TXNRD1: variants seen among roughly 807,000 people sequenced by gnomAD.
TXNRD1 encodes thioredoxin reductase 1, cytoplasmic.
A neutral mutation model predicts 80.3 loss-of-function variants in TXNRD1; 57 were observed. That is an observed-to-expected ratio of 0.71 (90% CI 0.57 to 0.89). The LOEUF is 0.89. Among genes scored for constraint, TXNRD1 ranks in the 40% least tolerant of loss-of-function variants. TXNRD1 has a pLI of 0.00. For missense variants in TXNRD1, 730 were observed against 803.0 expected (o/e 0.91, Z 1.10); for synonymous variants, 291 against 285.2 (o/e 1.02, Z -0.20).
intron 14 of TXNRD1, among the ~76,000 whole-genome samples, chr12:104,333,955 G>C (rs779477598): frequency 1.8e-4 from 27 of 152,112 alleles, no homozygotes; most frequent in Non-Finnish European, 2.5e-4. Context: ...GTAATTAAAT[G>C]GCTTATTTCT....
chr12:104,321,401 T>G, intron 10 of TXNRD1, 85 bp downstream of exon 10: 1 of 1,074,534 alleles, frequency 9.3e-7, no homozygotes, highest in East Asian at 2.5e-5. Flanking sequence ...AGAAGCATCC[T>G]TTCAGCATTA....
chr12:104,281,140 C>T (rs1374748306), intron 3 of TXNRD1, among the ~76,000 whole-genome samples: 1 of 152,134 alleles, frequency 6.6e-6, no homozygotes, highest in African/African-American at 2.4e-5. Context: ...ATCTTTCTTC[C>T]TCCTCTCTGG....
chr12:104,335,674 C>A (rs948450268), intron 15 of TXNRD1, among the ~76,000 whole-genome samples: 1 of 152,098 alleles, frequency 6.6e-6, no homozygotes, highest in Non-Finnish European at 1.5e-5. Context: ...AATATTGACT[C>A]TTAAGAAAAC....
At chr12:104,318,888 G>C (rs367624649) in intron 7 of TXNRD1, 25 bp from the exon 8 acceptor site, 1 of 1,586,458 alleles carries the variant, frequency 6.3e-7, no homozygotes, top group African/African-American at 1.4e-5. Flanking sequence ...AGCCAAACAA[G>C]ATTTTGTTTT....
intron 3 of TXNRD1, among the ~76,000 whole-genome samples, chr12:104,267,859 T>C (rs527645874): frequency 6.7e-6 from 1 of 148,662 alleles, no homozygotes; most frequent in East Asian, 2.0e-4. Flanking sequence ...CTCTCTCTTT[T>C]TTTTTTTGAG....
In TXNRD1 at chr12:104,215,896, A is replaced by G. The variant is rs1299274648; in HGVS notation, c.91+3A>G. The G allele has an allele frequency of 6.4e-7, 1 of 1,552,716 alleles. No individual in the cohort carries two copies. The highest frequency in any genetic ancestry group is 8.7e-7 in the Non-Finnish European group (1 of 1,147,938). Reference sequence around the variant, plus strand: ...CGGCGATGGCCGCCGTAGGTCAGGTACGACCGAGGGCGAAGGCCTGGTCCC... The same window carrying G: ...CGGCGATGGCCGCCGTAGGTCAGGTGCGACCGAGGGCGAAGGCCTGGTCCC... On this transcript the variant is annotated splice_donor_region_variant and intron_variant, in intron 1 of 16. Coordinates refer to ENST00000525566, the MANE Select transcript of TXNRD1 (RefSeq NM_001093771.3).
Position 104,304,876 on chromosome 12 carries a change from G to T in TXNRD1, c.415-6414G>T, listed in dbSNP as rs377091329. ...TTATATCTTTGACTTTACAGGAGTG[G>T]AAAAACATTGTGGCAGCTTTTGAAA... On this transcript the variant is annotated intron_variant, in intron 4 of 16. Coordinates refer to ENST00000525566, the MANE Select transcript of TXNRD1 (RefSeq NM_001093771.3). 1.9e-4 allele frequency: 301 copies of T among 1,612,146 alleles called. 1 individual carries two copies. The highest frequency in any genetic ancestry group is 2.3e-4 in the Non-Finnish European group (277 of 1,179,498).
chr12:104,325,641 A>G (rs1011005840), intron 11 of TXNRD1, among the ~76,000 whole-genome samples: 5 of 152,114 alleles, frequency 3.3e-5, no homozygotes, highest in African/African-American at 1.2e-4. Context: ...TGGGAGGCCA[A>G]GGCGGGCAGA....
At chr12:104,292,059 A>T (rs1222446528) in intron 4 of TXNRD1, among the ~76,000 whole-genome samples, 2 of 152,218 alleles carry the variant, frequency 1.3e-5, no homozygotes, top group Non-Finnish European at 2.9e-5. Context: ...GGAGCTCTTC[A>T]AAATGTCCAC....
chr12:104,233,693 C>T (rs10861173), intron 1 of TXNRD1, among the ~76,000 whole-genome samples: 49,562 of 151,718 alleles, frequency 0.33, 8,834 homozygotes, highest in East Asian at 0.59. Context: ...GGCTAATTTT[C>T]GTATTTTTAG....
At chr12:104,271,447 G>T (rs1297182313) in intron 3 of TXNRD1, among the ~76,000 whole-genome samples, 3 of 152,090 alleles carry the variant, frequency 2.0e-5, no homozygotes, top group African/African-American at 7.2e-5. Flanking sequence ...AAAGTGCTGG[G>T]ATTACAGGCA....
At chr12:104,251,416 T>C in intron 1 of TXNRD1, 111 bp from the exon 2 acceptor site, 1 of 1,095,066 alleles carries the variant, frequency 9.1e-7, no homozygotes, top group Non-Finnish European at 1.3e-6. Context: ...ATTCCTTATT[T>C]TGGCCTGTGG....
chr12:104,327,964 G>C (rs1287568792), intron 13 of TXNRD1, among the ~76,000 whole-genome samples: 2 of 151,318 alleles, frequency 1.3e-5, no homozygotes, highest in African/African-American at 4.9e-5. Flanking sequence ...TTCAAGACCA[G>C]CCTGGCCAAC....
At chr12:104,222,287 T>A (rs1436960113) in intron 1 of TXNRD1, among the ~76,000 whole-genome samples, 1 of 152,152 alleles carries the variant, frequency 6.6e-6, no homozygotes, top group African/African-American at 2.4e-5. Flanking sequence ...TCTTAGATAG[T>A]AACACAGTGC....
intron 3 of TXNRD1, among the ~76,000 whole-genome samples, chr12:104,270,921 G>A (rs1380959465): frequency 6.6e-6 from 1 of 151,900 alleles, no homozygotes; most frequent in African/African-American, 2.4e-5. Flanking sequence ...GGCCGAGGGG[G>A]GTGGATCACC....
chr12:104,282,342 A>C (rs1215718549), intron 3 of TXNRD1, among the ~76,000 whole-genome samples: 2 of 152,202 alleles, frequency 1.3e-5, no homozygotes, highest in Admixed American at 1.3e-4. Context: ...AGAGAATTAC[A>C]TTCTTGGAGC....
At chr12:104,255,748 G>A (rs947177589) in intron 2 of TXNRD1, among the ~76,000 whole-genome samples, 1 of 152,092 alleles carries the variant, frequency 6.6e-6, no homozygotes, top group African/African-American at 2.4e-5. Flanking sequence ...AGCCAAGATC[G>A]CACCATTGCA....
chr12:104,267,736 CT>C (rs2033561086), intron 3 of TXNRD1, among the ~76,000 whole-genome samples: 1 of 106,306 alleles, frequency 9.4e-6, no homozygotes, highest in African/African-American at 3.6e-5. Context: ...TCTTTCTTTC[CT>C]TTCTTCCTTC....
At chr12:104,305,416 T>A (rs1422378732) in intron 4 of TXNRD1, among the ~76,000 whole-genome samples, 1 of 152,074 alleles carries the variant, frequency 6.6e-6, no homozygotes, top group African/African-American at 2.4e-5. Context: ...ACTAAAAAAG[T>A]CATTGCAAGG....
Sources: gnomAD v4.1 joint callset for allele counts (sites outside exome capture counted in the v4.1 genomes callset) on GRCh38, gnomAD v4.1.1 for gene constraint, MANE v1.5 for transcripts, NCBI Gene and HGNC (gene_info 2026-07-23, HGNC 2026-07-21) for gene names.